CTNNBL1: variants seen among roughly 807,000 people sequenced by gnomAD.
CTNNBL1 encodes the protein beta-catenin-like protein 1.
Under a neutral mutation model 72.7 loss-of-function variants are expected in CTNNBL1, and 31 were observed. That is an observed-to-expected ratio of 0.43 (90% CI 0.32 to 0.58). The LOEUF is 0.58. Ranked by LOEUF, CTNNBL1 falls within the 20% of genes least tolerant of loss-of-function variation. The pLI is 0.08. For synonymous variants in CTNNBL1, 240 were observed against 267.3 expected, an observed-to-expected ratio of 0.90 and a Z score of 1.00; for missense variants, 534 against 725.1, an observed-to-expected ratio of 0.74 and a Z score of 3.03.
intron 13 of CTNNBL1, among the ~76,000 whole-genome samples, chr20:37,844,972 CG>C (rs1212205829): frequency 2.0e-5 from 3 of 152,040 alleles, no homozygotes; most frequent in African/African-American, 7.2e-5. Context: ...AAACACCTCG[CG>C]TTAAAGGTTA....
At chr20:37,744,920 G>A (rs1466386039) in intron 3 of CTNNBL1, among the ~76,000 whole-genome samples, 5 of 152,220 alleles carry the variant, frequency 3.3e-5, no homozygotes, top group Non-Finnish European at 7.4e-5. Context: ...AGAAAATAAA[G>A]TTAGATCTTT....
chr20:37,808,621 C>T (rs1346265260), intron 11 of CTNNBL1, among the ~76,000 whole-genome samples: 4 of 152,134 alleles, frequency 2.6e-5, no homozygotes, highest in Non-Finnish European at 2.9e-5. Flanking sequence ...CTCAGGCATT[C>T]GTTTTTGAAT....
intron 14 of CTNNBL1, 78 bp downstream of exon 14, chr20:37,860,114 A>G: frequency 6.4e-7 from 1 of 1,552,700 alleles, no homozygotes; most frequent in East Asian, 2.2e-5. Flanking sequence ...ACTCTCACTC[A>G]GGGAAAGAAG....
intron 11 of CTNNBL1, among the ~76,000 whole-genome samples, chr20:37,811,204 C>G (rs2072009615): frequency 2.0e-5 from 3 of 152,090 alleles, no homozygotes; most frequent in South Asian, 4.2e-4. Context: ...GAGGATATAC[C>G]AAGGAACCTC....
chr20:37,860,191 A>G (rs887085372), intron 14 of CTNNBL1, 81 bp from the exon 15 acceptor site: 5 of 1,471,186 alleles, frequency 3.4e-6, no homozygotes, highest in Admixed American at 1.7e-5. Flanking sequence ...GGGGTGAAGT[A>G]TATCATTTCA....
intron 11 of CTNNBL1, among the ~76,000 whole-genome samples, chr20:37,836,147 G>A (rs1216792402): frequency 1.3e-5 from 2 of 152,228 alleles, no homozygotes; most frequent in African/African-American, 2.4e-5. Context: ...TTCTGTGGTT[G>A]TGTGTAAATT....
intron 4 of CTNNBL1, among the ~76,000 whole-genome samples, chr20:37,747,235 C>T (rs878977603): frequency 1.3e-5 from 2 of 151,938 alleles, no homozygotes; most frequent in South Asian, 2.1e-4. Context: ...ATTAACTGGA[C>T]GTGGTGGTGC....
chr20:37,860,154 T>C, intron 14 of CTNNBL1, 118 bp downstream of exon 14: 1 of 1,484,604 alleles, frequency 6.7e-7, no homozygotes, highest in Non-Finnish European at 9.4e-7. Context: ...ATTCCTTTAC[T>C]CTACATCAGC....
chr20:37,742,285 C>T lies in CTNNBL1; in HGVS notation c.327-4183C>T, dbSNP rs1286257932. Among the ~76,000 whole-genome samples, 4 of 152,238 alleles carry T rather than the reference C, an allele frequency of 2.6e-5. No individual in the cohort carries two copies. The South Asian group carries it at 6.2e-4, about 24-fold the overall frequency. ...CCTCTTTTAAGTACCCTAAAACCACCGTAGCACTTGTGGCAGCTGTTTTCA... is the reference window on the plus strand; with the variant it reads ...CCTCTTTTAAGTACCCTAAAACCACTGTAGCACTTGTGGCAGCTGTTTTCA... On this transcript the variant is annotated intron_variant, in intron 3 of 15. Coordinates refer to ENST00000361383, the MANE Select transcript of CTNNBL1 (RefSeq NM_030877.5).
chr20:37,828,248 T>C (rs1010393851), intron 11 of CTNNBL1, among the ~76,000 whole-genome samples: 3 of 152,182 alleles, frequency 2.0e-5, no homozygotes, highest in African/African-American at 7.2e-5. Context: ...ATAGTTTCAG[T>C]ACAACACAGT....
At chr20:37,782,165 A>G (rs1362354478) in intron 10 of CTNNBL1, among the ~76,000 whole-genome samples, 1 of 152,334 alleles carries the variant, frequency 6.6e-6, no homozygotes, top group Non-Finnish European at 1.5e-5. Context: ...AGAGATGAAC[A>G]AAACAGGGTT....
chr20:37,766,418 C>T (rs114893619), intron 6 of CTNNBL1, among the ~76,000 whole-genome samples: 3,551 of 152,248 alleles, frequency 0.023, 127 homozygotes, highest in African/African-American at 0.08. Flanking sequence ...GTGCTAGGTA[C>T]TAGGGTAGAT....
At chr20:37,721,908 T>G (rs1007118906) in intron 1 of CTNNBL1, among the ~76,000 whole-genome samples, 14 of 152,224 alleles carry the variant, frequency 9.2e-5, no homozygotes, top group Admixed American at 6.5e-5. Context: ...TATGCATCAG[T>G]GGTATCAGGC....
intron 4 of CTNNBL1, chr20:37,756,478 G>A (rs2073365002): frequency 6.6e-6 from 1 of 152,000 alleles, no homozygotes; most frequent in Non-Finnish European, 1.5e-5. Flanking sequence ...GTCTGTGTGT[G>A]TGTGTGAGAG....
At chr20:37,842,211 G>A (rs1188173991) in intron 12 of CTNNBL1, 128 bp from the exon 13 acceptor site, 3 of 684,216 alleles carry the variant, frequency 4.4e-6, no homozygotes, top group South Asian at 3.4e-5. Context: ...TCTCTCATCC[G>A]CTGTAAGGAG....
At position 37,775,516 on chromosome 20, in the gene CTNNBL1, A is replaced by C. The variant is rs528506305; in HGVS notation, c.751-1829A>C. Among the ~76,000 whole-genome samples, 3 of 152,346 alleles carry C rather than the reference A, an allele frequency of 2.0e-5. No individual in the cohort carries two copies. The East Asian group carries it at 5.8e-4, about 29-fold the overall frequency. On this transcript the variant is annotated intron_variant, in intron 7 of 15. Coordinates refer to ENST00000361383, the MANE Select transcript of CTNNBL1 (RefSeq NM_030877.5). Reference sequence around the variant, plus strand: ...ATGACACCCCAGTTGCCACAGCGCAAAGTTGGAGAACTGCAGATTTGAGTC... The same window carrying C: ...ATGACACCCCAGTTGCCACAGCGCACAGTTGGAGAACTGCAGATTTGAGTC...
intron 11 of CTNNBL1, among the ~76,000 whole-genome samples, chr20:37,817,069 T>C (rs1176120471): frequency 6.6e-6 from 1 of 152,236 alleles, no homozygotes; most frequent in Non-Finnish European, 1.5e-5. Flanking sequence ...GGGTTATCGT[T>C]AGCCTGCTTT....
intron 12 of CTNNBL1, among the ~76,000 whole-genome samples, chr20:37,840,594 C>T (rs951690915): frequency 6.6e-6 from 1 of 152,294 alleles, no homozygotes; most frequent in Admixed American, 6.5e-5. Context: ...CTCAGTTTCA[C>T]CAGCTTCAAC....
At chr20:37,819,781 G>A (rs556811875) in intron 11 of CTNNBL1, among the ~76,000 whole-genome samples, 123 of 151,934 alleles carry the variant, frequency 8.1e-4, no homozygotes, top group Non-Finnish European at 1.5e-3. Flanking sequence ...CTTCAGAAAT[G>A]GAGAGTCAAG....
Sources: allele counts gnomAD v4.1 joint callset (sites outside exome capture counted in the v4.1 genomes callset), GRCh38; gene constraint gnomAD v4.1.1; transcripts MANE v1.5; gene names NCBI Gene and HGNC (gene_info 2026-07-23, HGNC 2026-07-21).